SGPP2: variants seen among roughly 807,000 people sequenced by gnomAD.
The protein encoded by SGPP2 is sphingosine 1-phosphate phosphohydrolase 2.
Under a neutral mutation model 33.9 loss-of-function variants are expected in SGPP2, and 30 were observed. The observed-to-expected ratio is 0.89, with a 90% CI of 0.66 to 1.20. SGPP2 has a LOEUF of 1.20. Ranked by LOEUF, SGPP2 falls within the 50% of genes most tolerant of loss-of-function variation. The pLI, the probability that SGPP2 is intolerant of heterozygous loss-of-function variation, is 0.00. For missense variants in SGPP2, 458 were observed against 532.1 expected (o/e 0.86, Z 1.37); for synonymous variants, 233 against 225.0 (o/e 1.04, Z -0.32).
Position 222,424,815 on chromosome 2 carries a change from G to C in SGPP2, c.213G>C (p.Ala71=). 7.3e-7 allele frequency: 1 copy of C among 1,366,200 alleles called. No homozygotes were observed. The highest frequency in any genetic ancestry group is 9.4e-7 in the Non-Finnish European group (1 of 1,062,116). The allele number at this position is 1,366,200 out of a possible 1,614,324, so 84.6% of individuals were successfully genotyped here. The change falls in exon 1 of 5, where the codon GCG becomes GCC. Residue 71 remains alanine, a synonymous_variant. Transcript: ENST00000321276. The part of the protein sequence containing the change: ...APANGLRRAA[A]PEAYVQKYVV... ...CCAACGGGCTGCGCAGAGCCGCGGC[G>C]CCGGAGGTAACCATGGGCAGGTGTT...
At chr2:222,452,699 A>C in intron 1 of SGPP2, 1 of 1,376,178 alleles carries the variant, frequency 7.3e-7, no homozygotes, top group Non-Finnish European at 1.0e-6. Context: ...TGCAGCTTGA[A>C]TTGCTCCAGG....
At chr2:222,431,899 A>C (rs1430643618) in intron 1 of SGPP2, among the ~76,000 whole-genome samples, 1 of 152,214 alleles carries the variant, frequency 6.6e-6, no homozygotes, top group African/African-American at 2.4e-5. Context: ...CAGTCCATCA[A>C]GGTCAGCCTC....
At position 222,558,878 on chromosome 2, in the gene SGPP2, AGGT is replaced by A. The variant is rs774162784; in HGVS notation, c.1181_1183del (p.Arg394_Phe395delinsIle). Reference sequence around the variant, plus strand: ...TACAACCTTTGTGCCGATGCTTCACAGGTTTCTGGGATTACCCTGAGTCTCAAA... The same window carrying A: ...TACAACCTTTGTGCCGATGCTTCACATTCTGGGATTACCCTGAGTCTCAAA... On this transcript the variant is annotated inframe_deletion, in exon 5 of 5. Coordinates refer to ENST00000321276, the MANE Select transcript of SGPP2 (RefSeq NM_152386.4). The A allele has an allele frequency of 6.2e-7, 1 of 1,608,286 alleles. No individual in the cohort carries two copies. Among genetic ancestry groups the A allele is most frequent in the South Asian group, 1.1e-5 (1 of 91,016 alleles).
chr2:222,536,335 A>G (rs989352180), intron 4 of SGPP2, among the ~76,000 whole-genome samples: 1 of 152,200 alleles, frequency 6.6e-6, no homozygotes, highest in Non-Finnish European at 1.5e-5. Context: ...AATAGGTAAT[A>G]TACTCTATTT....
rs200271785 is a variant in SGPP2, at chr2:222,561,102, C to CA, written c.*2219dup. Among the ~76,000 whole-genome samples the CA allele has an allele frequency of 0.27, 32,489 of 121,724 alleles. 4,243 individuals carry two copies. Among genetic ancestry groups the CA allele is most frequent in the East Asian group, 0.62 (2,872 of 4,638 alleles). The allele number at this position is 121,724 out of a possible 152,430, so 79.9% of individuals were successfully genotyped here. On this transcript the variant is annotated 3_prime_UTR_variant, in exon 5 of 5. Coordinates refer to ENST00000321276, the MANE Select transcript of SGPP2 (RefSeq NM_152386.4). ...CCTGGGCGACAGAGCGAGACTCTCT[C>CA]AAAAAAAAAAAAAAAGAATTTTTAG...
chr2:222,439,334 G>A (rs1697291134), intron 1 of SGPP2, among the ~76,000 whole-genome samples: 1 of 152,080 alleles, frequency 6.6e-6, no homozygotes, highest in African/African-American at 2.4e-5. Context: ...ACTGGCTCAA[G>A]TCTGGAAATT....
chr2:222,482,322 T>C (rs1338106433), intron 2 of SGPP2, among the ~76,000 whole-genome samples: 2 of 152,210 alleles, frequency 1.3e-5, no homozygotes, highest in East Asian at 3.8e-4. Context: ...TATAATTCAA[T>C]TGTGATTTTC....
chr2:222,503,278 A>G (rs1698394359), intron 2 of SGPP2, among the ~76,000 whole-genome samples: 1 of 152,258 alleles, frequency 6.6e-6, no homozygotes, highest in Non-Finnish European at 1.5e-5. Flanking sequence ...AGCTAAAACT[A>G]TATGTTAAAA....
intron 4 of SGPP2, among the ~76,000 whole-genome samples, chr2:222,552,720 C>T (rs1285948918): frequency 6.6e-6 from 1 of 152,056 alleles, no homozygotes; most frequent in African/African-American, 2.4e-5. Context: ...ATTAGCTGGG[C>T]ATGGTGGTGC....
chr2:222,462,141 C>T (rs751858522), intron 1 of SGPP2, among the ~76,000 whole-genome samples: 1 of 151,956 alleles, frequency 6.6e-6, no homozygotes, highest in Non-Finnish European at 1.5e-5. Flanking sequence ...GATCTTGGGT[C>T]CTCAGGAGAA....
Position 222,424,582 on chromosome 2 carries a change from G to T in SGPP2, c.-21G>T. The T allele has an allele frequency of 8.2e-7, 1 of 1,223,606 alleles. No homozygotes were observed. Among genetic ancestry groups the T allele is most frequent in the South Asian group, 3.6e-5 (1 of 27,992 alleles). The allele number at this position is 1,223,606 out of a possible 1,614,324, so 75.8% of individuals were successfully genotyped here. ...CCGGCCCGGCGTGGCAGCGGCGGCG[G>T]AGCGCGGCCCCGGGCACACCATGGC... On this transcript the variant is annotated 5_prime_UTR_variant, in exon 1 of 5. Transcript: ENST00000321276.
chr2:222,501,852 TG>T (rs1698372588), intron 2 of SGPP2, among the ~76,000 whole-genome samples: 2 of 152,252 alleles, frequency 1.3e-5, no homozygotes, highest in Admixed American at 1.3e-4. Flanking sequence ...GAGTTGTTTT[TG>T]TTTTGTTAAG....
rs1689473243 is a variant in SGPP2 at position 222,558,989 on chromosome 2, T to C, written c.*91T>C. On this transcript the variant is annotated 3_prime_UTR_variant, in exon 5 of 5. Coordinates refer to ENST00000321276, the MANE Select transcript of SGPP2 (RefSeq NM_152386.4). ...GCAAATCTTGACAACTTATTTTTCTTTAACAACAACAAAAAGTCATACGGC... is the reference window on the plus strand; with the variant it reads ...GCAAATCTTGACAACTTATTTTTCTCTAACAACAACAAAAAGTCATACGGC... The C allele has an allele frequency of 7.6e-7, 1 of 1,309,942 alleles. No individual in the cohort carries two copies. Among genetic ancestry groups the C allele is most frequent in the African/African-American group, 1.5e-5 (1 of 67,814 alleles). 81.1% of individuals were successfully genotyped at this position (1,309,942 alleles called of 1,614,324 possible).
intron 4 of SGPP2, among the ~76,000 whole-genome samples, chr2:222,545,276 C>T (rs1376662609): frequency 1.4e-5 from 2 of 147,434 alleles, no homozygotes; most frequent in Non-Finnish European, 3.0e-5. Context: ...TTTCAAAGAG[C>T]TTATGGCTTT....
chr2:222,445,206 C>T (rs1697381578), intron 1 of SGPP2, among the ~76,000 whole-genome samples: 2 of 152,192 alleles, frequency 1.3e-5, no homozygotes, highest in African/African-American at 4.8e-5. Context: ...AACCTCAGAG[C>T]AGGGGGTCAC....
intron 2 of SGPP2, among the ~76,000 whole-genome samples, chr2:222,492,330 T>G (rs904553126): frequency 6.6e-6 from 1 of 152,242 alleles, no homozygotes; most frequent in African/African-American, 2.4e-5. Flanking sequence ...CCATACATCC[T>G]CTAAAATCTA....
At chr2:222,452,650 A>G in intron 1 of SGPP2, 1 of 1,379,582 alleles carries the variant, frequency 7.2e-7, no homozygotes, top group Non-Finnish European at 1.0e-6. Flanking sequence ...GTGTTCCAGG[A>G]GTAGTTGCTC....
At chr2:222,524,141 G>A (rs941160180) in intron 3 of SGPP2, among the ~76,000 whole-genome samples, 1 of 152,200 alleles carries the variant, frequency 6.6e-6, no homozygotes, top group East Asian at 1.9e-4. Flanking sequence ...TATTATCATG[G>A]TTAAGAGCTT....
chr2:222,465,898 A>T lies in SGPP2; in HGVS notation c.220-8670A>T, dbSNP rs141846912. On this transcript the variant is annotated intron_variant, in intron 1 of 4. Coordinates refer to ENST00000321276, the MANE Select transcript of SGPP2 (RefSeq NM_152386.4). This position sits in a 1 kb window ranked among gnomAD's most constrained non-coding sequence, Gnocchi z 4.1. ...CAACACCTCTCCTTATCCAGGGCTC[A>T]GCTCAAATGGCTCCTCTGTGGCAAG... 1.9e-4 allele frequency among the ~76,000 whole-genome samples: 29 copies of T among 152,322 alleles called. No homozygotes were observed. Among genetic ancestry groups the T allele is most frequent in the Admixed American group, 1.8e-3 (28 of 15,306 alleles).
Sources: gnomAD v4.1 joint callset for allele counts (sites outside exome capture counted in the v4.1 genomes callset) on GRCh38, gnomAD v4.1.1 for gene constraint, Gnocchi (gnomAD v3.1) non-coding constraint, MANE v1.5 for transcripts, NCBI Gene and HGNC (gene_info 2026-07-23, HGNC 2026-07-21) for gene names.